Variants in ACYP2 observed in about 807,000 individuals in gnomAD.
The protein encoded by ACYP2 is acylphosphatase-2.
ACYP2 carries 12 observed loss-of-function variants against 11.2 expected under a neutral mutation model. The ratio of observed to expected loss-of-function variants is 1.08; its 90% confidence interval spans 0.69 to 1.74. ACYP2 has a LOEUF of 1.74. Ranked by LOEUF, ACYP2 falls within the 40% of genes most tolerant of loss-of-function variation. The pLI, the probability that ACYP2 is intolerant of heterozygous loss-of-function variation, is 0.00. For synonymous variants in ACYP2, 43 were observed against 32.2 expected (o/e 1.33, Z -1.13); for missense variants, 134 against 101.9 (o/e 1.31, Z -1.35).
intron 6 of ACYP2, among the ~76,000 whole-genome samples, chr2:54,216,161 T>C (rs530824304): frequency 6.6e-6 from 1 of 152,360 alleles, no homozygotes; most frequent in Non-Finnish European, 1.5e-5. Context: ...ATGCTGGTTT[T>C]GTCACAAGCA....
chr2:54,007,320 C>G lies in ACYP2; in HGVS notation c.62+33510C>G, dbSNP rs574217687. On this transcript the variant is annotated intron_variant, in intron 2 of 6. Transcript: ENST00000607452. The stretch of plus-strand genomic sequence containing the variant: ...CCAGACTGGAGTGCAATGGCACAAT[C>G]TCGGCTCACCGCAACCTCTGCCTCC... 2.1e-5 allele frequency among the ~76,000 whole-genome samples: 3 copies of G among 145,424 alleles called. No homozygotes were observed. The East Asian group carries it at 6.5e-4, about 31-fold the overall frequency.
intron 6 of ACYP2, among the ~76,000 whole-genome samples, chr2:54,143,532 C>G (rs575127520): frequency 6.6e-6 from 1 of 152,020 alleles, no homozygotes; most frequent in Non-Finnish European, 1.5e-5. Flanking sequence ...CTCCTGGGTT[C>G]AAGCAATTCT....
chr2:54,027,841 T>C (rs112219373), intron 2 of ACYP2, among the ~76,000 whole-genome samples: 61 of 116,908 alleles, frequency 5.2e-4, no homozygotes, highest in Middle Eastern at 3.8e-3. Flanking sequence ...TTCTTTCTTT[T>C]TTTTTTTTTT....
rs185645380 is a variant in ACYP2, at chr2:54,300,659, T to C, written c.405-4029T>C. On this transcript the variant is annotated intron_variant, in intron 6 of 6. Coordinates refer to ENST00000607452, the MANE Select transcript of ACYP2 (RefSeq NM_001320586.2). ...CACAAATTGTTAAATGTGACAGCAC[T>C]CCCTAATTAACTTCCTGCATGCTAA... Among the ~76,000 whole-genome samples, 8 of 152,304 alleles carry C rather than the reference T, an allele frequency of 5.3e-5. No individual in the cohort carries two copies. The East Asian group carries it at 1.5e-3, about 29-fold the overall frequency.
At chr2:54,090,921 A>C (rs963673899) in intron 4 of ACYP2, among the ~76,000 whole-genome samples, 1 of 152,172 alleles carries the variant, frequency 6.6e-6, no homozygotes, top group Non-Finnish European at 1.5e-5. Flanking sequence ...TACCATCTAC[A>C]TGTTGGTGCT....
chr2:54,137,101 G>T (rs1681291472), intron 5 of ACYP2, among the ~76,000 whole-genome samples: 1 of 152,012 alleles, frequency 6.6e-6, no homozygotes, highest in Non-Finnish European at 1.5e-5. Context: ...CTAGAAAAAG[G>T]CAATTTTAAA....
intron 6 of ACYP2, among the ~76,000 whole-genome samples, chr2:54,234,426 A>C (rs13412139): frequency 2.0e-5 from 3 of 152,044 alleles, no homozygotes; most frequent in African/African-American, 4.8e-5. Flanking sequence ...TAAAGCCATG[A>C]TTCATCTCTT....
intron 2 of ACYP2, among the ~76,000 whole-genome samples, chr2:53,994,151 A>G (rs904584201): frequency 6.6e-6 from 1 of 152,002 alleles, no homozygotes; most frequent in Admixed American, 6.6e-5. Context: ...TAACACGGTG[A>G]AAACCCTTCT....
chr2:53,976,360 ACCATGTCCGG>A (rs1228260133), intron 2 of ACYP2, among the ~76,000 whole-genome samples: 1 of 152,116 alleles, frequency 6.6e-6, no homozygotes, highest in Non-Finnish European at 1.5e-5. Context: ...GGTGCATGCT[ACCATGTCCGG>A]CTAATTTTTA....
chr2:54,023,880 T>C (rs1156554723), intron 2 of ACYP2, among the ~76,000 whole-genome samples: 4 of 152,068 alleles, frequency 2.6e-5, no homozygotes, highest in Non-Finnish European at 4.4e-5. Flanking sequence ...AAAGAAGAAG[T>C]GGTACCAATT....
At chr2:54,274,896 T>C (rs1296394192) in intron 6 of ACYP2, among the ~76,000 whole-genome samples, 1 of 152,210 alleles carries the variant, frequency 6.6e-6, no homozygotes, top group African/African-American at 2.4e-5. Context: ...TGCAGTTTTG[T>C]GCTACCACAT....
chr2:53,977,304 C>T (rs562267458), intron 2 of ACYP2, among the ~76,000 whole-genome samples: 3 of 152,218 alleles, frequency 2.0e-5, no homozygotes, highest in African/African-American at 7.2e-5. Flanking sequence ...CTCAGCCTCC[C>T]AAAGCGCTGG....
chr2:54,011,170 A>T (rs765314474), intron 2 of ACYP2, among the ~76,000 whole-genome samples: 15 of 152,196 alleles, frequency 9.9e-5, no homozygotes, highest in Non-Finnish European at 2.1e-4. Context: ...TTAAATATCC[A>T]AGTAATCAGT....
At chr2:54,288,381 A>C (rs1263460113) in intron 6 of ACYP2, among the ~76,000 whole-genome samples, 1 of 151,942 alleles carries the variant, frequency 6.6e-6, no homozygotes, top group East Asian at 1.9e-4. Flanking sequence ...TGGGTGGTGT[A>C]GTTTTTAAAA....
rs548305719 is a variant in ACYP2 at position 54,207,795 on chromosome 2, C to T, written c.404+69047C>T. Among the ~76,000 whole-genome samples, 11 of 152,252 alleles carry T rather than the reference C, an allele frequency of 7.2e-5. No individual in the cohort carries two copies. In the East Asian group the frequency reaches 7.7e-4, roughly 11 times the overall value. On this transcript the variant is annotated intron_variant, in intron 6 of 6. Transcript: ENST00000607452. Reference sequence around the variant, plus strand: ...TTATCAGTTTGGATTTTTTCCAGAACATTTTTTGAGTCGGTCTTCTGCAAT... The same window carrying T: ...TTATCAGTTTGGATTTTTTCCAGAATATTTTTTGAGTCGGTCTTCTGCAAT...
At chr2:54,193,534 A>G (rs1337058040) in intron 6 of ACYP2, among the ~76,000 whole-genome samples, 1 of 152,214 alleles carries the variant, frequency 6.6e-6, no homozygotes, top group Non-Finnish European at 1.5e-5. Flanking sequence ...CAAGTACTCA[A>G]AAGATAAAAT....
At chr2:54,139,945 A>G (rs1322552607) in intron 6 of ACYP2, among the ~76,000 whole-genome samples, 1 of 152,106 alleles carries the variant, frequency 6.6e-6, no homozygotes, top group Non-Finnish European at 1.5e-5. Context: ...TTTTTCCATA[A>G]TTTGTATTTT....
intron 2 of ACYP2, among the ~76,000 whole-genome samples, chr2:54,049,360 C>T (rs1026282800): frequency 6.6e-6 from 1 of 152,058 alleles, no homozygotes; most frequent in Non-Finnish European, 1.5e-5. Context: ...CAGACACTTG[C>T]CCCTGTCAAT....
At position 53,997,269 on chromosome 2, in the gene ACYP2, G is replaced by A. The variant is rs1413341873; in HGVS notation, c.62+23459G>A. On this transcript the variant is annotated intron_variant, in intron 2 of 6. Coordinates refer to ENST00000607452, the MANE Select transcript of ACYP2 (RefSeq NM_001320586.2). ...CCCTTCCTCAGAAGTATATCAATATGTCTCGCCCTTGTTCATATTTTTCCT... is the reference window on the plus strand; with the variant it reads ...CCCTTCCTCAGAAGTATATCAATATATCTCGCCCTTGTTCATATTTTTCCT... 2.6e-5 allele frequency among the ~76,000 whole-genome samples: 4 copies of A among 152,108 alleles called. No homozygotes were observed. In the East Asian group the frequency reaches 7.7e-4, roughly 29 times the overall value.
Sources: gnomAD v4.1 joint callset for allele counts (sites outside exome capture counted in the v4.1 genomes callset) on GRCh38, gnomAD v4.1.1 for gene constraint, MANE v1.5 for transcripts, NCBI Gene and HGNC (gene_info 2026-07-23, HGNC 2026-07-21) for gene names.